The following EDARADD variants were observed in gnomAD, a reference collection of about 807,000 sequenced individuals.
EDARADD encodes ectodysplasin-A receptor-associated adapter protein.
Under a neutral mutation model 25.6 loss-of-function variants are expected in EDARADD, and 20 were observed. The ratio of observed to expected loss-of-function variants is 0.78; its 90% CI spans 0.55 to 1.14. EDARADD has a LOEUF of 1.14. EDARADD is among the 50% of genes most tolerant of loss of function. EDARADD has a pLI of 0.00. For synonymous variants in EDARADD, 86 were observed against 94.4 expected (o/e 0.91, Z 0.52); for missense variants, 225 against 270.1 (o/e 0.83, Z 1.17).
In EDARADD at chr1:236,484,319, G is replaced by A; in HGVS notation, c.*1670G>A. On this transcript the variant is annotated 3_prime_UTR_variant, in exon 6 of 6. Transcript: ENST00000334232. This position sits in a 1 kb window ranked among gnomAD's most constrained non-coding sequence, Gnocchi z 4.1. Reference sequence around the variant, plus strand: ...AAAATACCTTCATCACTGACCTGGTGGTGGGGCTGTGACCTGGGCAGCTCA... The same window carrying A: ...AAAATACCTTCATCACTGACCTGGTAGTGGGGCTGTGACCTGGGCAGCTCA... The A allele has an allele frequency of 8.5e-7, 1 of 1,182,620 alleles. No homozygotes were observed. 73.3% of individuals were successfully genotyped at this position (1,182,620 alleles called of 1,614,324 possible).
chr1:236,451,298 G>T (rs1368325242), intron 4 of EDARADD, among the ~76,000 whole-genome samples: 1 of 152,126 alleles, frequency 6.6e-6, no homozygotes, highest in African/African-American at 2.4e-5. Flanking sequence ...TCGGTAAAAT[G>T]GACATCTTAA....
At chr1:236,457,840 A>AT (rs1558131405) in intron 4 of EDARADD, among the ~76,000 whole-genome samples, 15 of 151,108 alleles carry the variant, frequency 9.9e-5, no homozygotes, top group Admixed American at 2.6e-4. Context: ...AAAAAAAAAA[A>AT]AAATCAGGCC....
chr1:236,390,770 C>T (rs1667412685), upstream of EDARADD, among the ~76,000 whole-genome samples: 1 of 151,986 alleles, frequency 6.6e-6, no homozygotes. Flanking sequence ...TCCAAAACAC[C>T]AATTTTCTCA....
At chr1:236,385,147 G>A (rs542675144) in intron 3 of EDARADD, among the ~76,000 whole-genome samples, 14 of 140,942 alleles carry the variant, frequency 9.9e-5, no homozygotes, top group Non-Finnish European at 1.1e-4. Context: ...GGTAGCTCAC[G>A]CCTGTAATCT....
At chr1:236,419,261 G>GT (rs1289651012) in intron 3 of EDARADD, among the ~76,000 whole-genome samples, 1 of 152,094 alleles carries the variant, frequency 6.6e-6, no homozygotes, top group Non-Finnish European at 1.5e-5. Flanking sequence ...GAGTGTAGTG[G>GT]TGCACACCTG....
rs181103991 is a variant in EDARADD at position 236,444,716 on chromosome 1, G to T, written c.219+17266G>T. Among the ~76,000 whole-genome samples the T allele has an allele frequency of 2.0e-5, 3 of 152,164 alleles. No individual in the cohort carries two copies. In the South Asian group the frequency reaches 6.2e-4, roughly 32 times the overall value. ...TGGGATTATAGGCGTGAGCCACCGCGCCTGACCAACTCTACAATGTTGATT... is the reference window on the plus strand; with the variant it reads ...TGGGATTATAGGCGTGAGCCACCGCTCCTGACCAACTCTACAATGTTGATT... On this transcript the variant is annotated intron_variant, in intron 4 of 5. Transcript: ENST00000334232.
At chr1:236,384,742 G>A (rs1018495269) in intron 3 of EDARADD, among the ~76,000 whole-genome samples, 1 of 151,944 alleles carries the variant, frequency 6.6e-6, no homozygotes, top group Admixed American at 6.6e-5. Flanking sequence ...TGCTGCCAAG[G>A]CTGGGCTAAT....
At chr1:236,428,579 G>GGTT (rs539954162) in intron 4 of EDARADD, among the ~76,000 whole-genome samples, 1 of 147,978 alleles carries the variant, frequency 6.8e-6, no homozygotes, top group African/African-American at 2.5e-5. Flanking sequence ...TCCCAGACTG[G>GGTT]GCTGCCGGGC....
chr1:236,450,675 A>G (rs1658687591), intron 4 of EDARADD, among the ~76,000 whole-genome samples: 1 of 151,648 alleles, frequency 6.6e-6, no homozygotes, highest in African/African-American at 2.4e-5. Flanking sequence ...CAGCCTCCCG[A>G]GTAGCTGGGA....
At chr1:236,475,527 G>T (rs1480280326) in intron 5 of EDARADD, among the ~76,000 whole-genome samples, 1 of 152,318 alleles carries the variant, frequency 6.6e-6, no homozygotes, top group African/African-American at 2.4e-5. Context: ...CGTTTTGGGA[G>T]GCTGAGGTGG....
At chr1:236,461,642 C>T (rs1335622700) in intron 4 of EDARADD, among the ~76,000 whole-genome samples, 4 of 152,214 alleles carry the variant, frequency 2.6e-5, no homozygotes, top group East Asian at 1.9e-4. Flanking sequence ...AAGTCATAAG[C>T]GTGGGGAGCG....
At chr1:236,428,756 T>C (rs1414656746) in intron 4 of EDARADD, among the ~76,000 whole-genome samples, 1 of 150,482 alleles carries the variant, frequency 6.6e-6, no homozygotes, top group Non-Finnish European at 1.5e-5. Context: ...GAGGCTGCAA[T>C]CTCGGCACTT....
chr1:236,408,410 A>G (rs1181867834), intron 1 of EDARADD, among the ~76,000 whole-genome samples: 1 of 151,926 alleles, frequency 6.6e-6, no homozygotes, highest in Non-Finnish European at 1.5e-5. Context: ...CCTATGTTGG[A>G]CCAGGCTGAT....
intron 3 of EDARADD, among the ~76,000 whole-genome samples, chr1:236,423,121 C>G (rs867314807): frequency 1.3e-5 from 2 of 152,114 alleles, no homozygotes; most frequent in African/African-American, 4.8e-5. Flanking sequence ...TCTGGGGGTC[C>G]TAGTGGGACT....
At position 236,483,798 on chromosome 1, in the gene EDARADD, G is replaced by T; in HGVS notation, c.*1149G>T. 1 of 1,447,536 alleles carries T rather than the reference G, an allele frequency of 6.9e-7. No homozygotes were observed. Among genetic ancestry groups the T allele is most frequent in the African/African-American group, 1.4e-5 (1 of 71,590 alleles). 89.7% of individuals were successfully genotyped at this position (1,447,536 alleles called of 1,614,324 possible). A position where few individuals can be genotyped will look rare whatever the true frequency, so the allele number is the denominator to read the frequency against. ...TGCCACCGGTGTGGGGGATGGAGGC[G>T]CGTTTGCTCCCAACATCCTGGAGAA... is the stretch of plus-strand genomic sequence containing the variant. On this transcript the variant is annotated 3_prime_UTR_variant, in exon 6 of 6. Transcript: ENST00000334232.
chr1:236,354,170 T>G (rs1666950002), intron 3 of EDARADD, among the ~76,000 whole-genome samples: 1 of 152,302 alleles, frequency 6.6e-6, no homozygotes, highest in Middle Eastern at 3.4e-3. Context: ...TCCTATAATG[T>G]ACTGACCTCA....
intron 1 of EDARADD, among the ~76,000 whole-genome samples, chr1:236,408,424 G>GT (rs1667775408): frequency 6.6e-6 from 1 of 152,074 alleles, no homozygotes; most frequent in Non-Finnish European, 1.5e-5. Context: ...GGCTGATCTT[G>GT]AACTCCTGAC....
intron 3 of EDARADD, 134 bp from the exon 4 acceptor site, chr1:236,427,258 C>T (rs2103015986): frequency 6.2e-6 from 5 of 804,066 alleles, no homozygotes; most frequent in Non-Finnish European, 1.0e-5. Context: ...AATTTGTAGT[C>T]CAGCCCTTCT....
At chr1:236,436,120 A>G (rs541095678) in intron 4 of EDARADD, among the ~76,000 whole-genome samples, 2 of 151,820 alleles carry the variant, frequency 1.3e-5, no homozygotes, top group Non-Finnish European at 2.9e-5. Flanking sequence ...CCTGGGCAAT[A>G]AAGTGAGACC....
Sources: allele counts gnomAD v4.1 joint callset (sites outside exome capture counted in the v4.1 genomes callset), GRCh38; gene constraint gnomAD v4.1.1; non-coding constraint Gnocchi (gnomAD v3.1); transcripts MANE v1.5; gene names NCBI Gene and HGNC (gene_info 2026-07-23, HGNC 2026-07-21).